Variants in ARID2 observed in about 807,000 individuals in gnomAD.
The protein encoded by ARID2 is AT-rich interaction domain 2.
In ARID2, 32 loss-of-function variants were observed where a neutral mutation model predicts 184.6. The observed-to-expected ratio is 0.17, with a 90% confidence interval of 0.13 to 0.23. ARID2 has a LOEUF of 0.23. Ranked by LOEUF, ARID2 falls within the 10% of genes least tolerant of loss-of-function variation. The pLI, the probability that ARID2 is intolerant of heterozygous loss-of-function variation, is 1.00. For synonymous variants in ARID2, 836 were observed against 772.6 expected (o/e 1.08, Z -1.36); for missense variants, 1,696 against 2,197.6 (o/e 0.77, Z 4.56).
chr12:45,830,881 G>T (rs544693656), intron 6 of ARID2, among the ~76,000 whole-genome samples: 4 of 151,914 alleles, frequency 2.6e-5, no homozygotes, highest in African/African-American at 9.6e-5. Context: ...CATGGCAAAA[G>T]CCCATCTCTA....
intron 3 of ARID2, among the ~76,000 whole-genome samples, chr12:45,735,111 A>T (rs1489327038): frequency 1.4e-5 from 2 of 147,362 alleles, no homozygotes; most frequent in African/African-American, 5.0e-5. Flanking sequence ...AATTTATTCT[A>T]TTTTTTTTTT....
At chr12:45,863,188 A>C (rs1943777174) in intron 16 of ARID2, among the ~76,000 whole-genome samples, 1 of 152,230 alleles carries the variant, frequency 6.6e-6, no homozygotes, top group Non-Finnish European at 1.5e-5. Context: ...AAGAATGAGT[A>C]GGAATTTTTC....
rs1038652707 is a variant in ARID2, at chr12:45,848,894, T to G, written c.1639T>G (p.Ser547Ala). Residue 547 changes from serine to alanine, a missense_variant, in exon 13 of 21, where the codon TCT becomes GCT. By Grantham distance (99) the Ser-to-Ala change is moderately conservative. Transcript: ENST00000334344. ...TTCTGTTTCTCGAGCAGAAATGTAT[T>G]CTGAATACCTCTCGACTTGCAGTAA... ...DCSVSRAEMY[S>A]EYLSTCSKLA... 6.2e-7 allele frequency: 1 copy of G among 1,612,472 alleles called. No homozygotes were observed. Among genetic ancestry groups the G allele is most frequent in the Admixed American group, 1.7e-5 (1 of 59,930 alleles).
chr12:45,804,987 CTGTT>C (rs1452555210), intron 3 of ARID2, among the ~76,000 whole-genome samples: 1 of 151,870 alleles, frequency 6.6e-6, no homozygotes, highest in Non-Finnish European at 1.5e-5. Flanking sequence ...TTGTTGATGG[CTGTT>C]TGTATGGGTC....
At chr12:45,776,425 A>C (rs1028753858) in intron 3 of ARID2, 1 of 152,252 alleles carries the variant, frequency 6.6e-6, no homozygotes, top group Non-Finnish European at 1.5e-5. Context: ...GCTGAACTCA[A>C]ATAGCTCACA....
intron 3 of ARID2, among the ~76,000 whole-genome samples, chr12:45,804,489 CGT>C (rs141399769): frequency 6.4e-4 from 94 of 146,358 alleles, no homozygotes; most frequent in East Asian, 1.2e-3. Flanking sequence ...CGTGTGTGTG[CGT>C]GTGTGTGTGT....
rs75106050 is a variant in ARID2, at chr12:45,766,019, T to C, written c.284+34705T>C. On this transcript the variant is annotated intron_variant, in intron 3 of 20. Coordinates refer to ENST00000334344, the MANE Select transcript of ARID2 (RefSeq NM_152641.4). The stretch of plus-strand genomic sequence containing the variant: ...AGTTCATTTTTATTTTATTGCTGAG[T>C]AGTATTCTATTGTATTGATACACCA... Among the ~76,000 whole-genome samples, 114 of 152,318 alleles carry C rather than the reference T, an allele frequency of 7.5e-4. 1 individual carries two copies. Among genetic ancestry groups the C allele is most frequent in the African/African-American group, 2.6e-3 (108 of 41,582 alleles).
Position 45,848,879 on chromosome 12 carries a change from C to T in ARID2, c.1624C>T (p.Arg542Ter), listed in dbSNP as rs2138154178. 1 of 1,612,036 alleles carries T rather than the reference C, an allele frequency of 6.2e-7. No individual in the cohort carries two copies. Among genetic ancestry groups the T allele is most frequent in the Non-Finnish European group, 8.5e-7 (1 of 1,178,852 alleles). The change falls in exon 13 of 21, where the codon CGA becomes TGA. Residue 542 changes from arginine (R) to a stop codon, truncating the protein, a stop_gained. Transcript: ENST00000334344. LOFTEE classifies it high-confidence loss of function. ...AGTAAATCCAGATTGTTCTGTTTCT[C>T]GAGCAGAAATGTATTCTGAATACCT... is the stretch of plus-strand genomic sequence containing the variant. ...FEVNPDCSVS[R>*]AEMYSEYLST...
intron 3 of ARID2, among the ~76,000 whole-genome samples, chr12:45,744,278 T>C (rs1208835110): frequency 6.6e-6 from 1 of 152,202 alleles, no homozygotes; most frequent in Non-Finnish European, 1.5e-5. Context: ...TTAGTAATCC[T>C]GTGATATATG....
chr12:45,892,005 A>C lies in ARID2; in HGVS notation c.5062-6A>C, dbSNP rs766425452. The C allele has an allele frequency of 6.8e-6, 11 of 1,613,908 alleles. No individual in the cohort carries two copies. Among genetic ancestry groups the C allele is most frequent in the Non-Finnish European group, 9.3e-6 (11 of 1,179,980 alleles). On this transcript the variant is annotated splice_polypyrimidine_tract_variant and splice_region_variant and intron_variant, in intron 17 of 20. Transcript: ENST00000334344. The stretch of plus-strand genomic sequence containing the variant: ...GCCATTCTCTTGCTTCCTCTTCCTC[A>C]AAAAGGATAAGCACTGTTCAAAGGA...
intron 16 of ARID2, among the ~76,000 whole-genome samples, chr12:45,878,015 T>A (rs1442380586): frequency 6.6e-6 from 1 of 152,194 alleles, no homozygotes; most frequent in Non-Finnish European, 1.5e-5. Flanking sequence ...GGTTAGTGGA[T>A]GTTTATCTTT....
At chr12:45,802,481 C>A (rs1942523946) in intron 3 of ARID2, among the ~76,000 whole-genome samples, 1 of 152,056 alleles carries the variant, frequency 6.6e-6, no homozygotes, top group Non-Finnish European at 1.5e-5. Flanking sequence ...GCGTGAATTT[C>A]TTTTAAAAGT....
chr12:45,779,162 T>C (rs1167567245), intron 3 of ARID2, among the ~76,000 whole-genome samples: 3 of 152,094 alleles, frequency 2.0e-5, no homozygotes, highest in African/African-American at 7.2e-5. Flanking sequence ...TTTATAAATC[T>C]GTAAATCTTT....
At chr12:45,733,235 T>C (rs1592042062) in intron 3 of ARID2, among the ~76,000 whole-genome samples, 1 of 152,322 alleles carries the variant, frequency 6.6e-6, no homozygotes, top group East Asian at 1.9e-4. Flanking sequence ...AAAAGAAATA[T>C]GCTGGTCAAA....
intron 16 of ARID2, among the ~76,000 whole-genome samples, chr12:45,873,081 A>G (rs1334534751): frequency 3.3e-5 from 5 of 152,328 alleles, no homozygotes; most frequent in East Asian, 1.9e-4. Context: ...AAGGATTGCT[A>G]TATCTTCTTG....
At position 45,738,779 on chromosome 12, in the gene ARID2, CTTTTTTTTTTTTT is replaced by C. The variant is rs11333868; in HGVS notation, c.284+7487_284+7499del. On this transcript the variant is annotated intron_variant, in intron 3 of 20. Transcript: ENST00000334344. The stretch of plus-strand genomic sequence containing the variant: ...TTTTCTTCCTGGGGCATATGGGCTA[CTTTTTTTTTTTTT>C]TTTTTTTTTTTTTTTTTTTTTAAGG... Among the ~76,000 whole-genome samples the C allele has an allele frequency of 2.8e-3, 173 of 62,308 alleles. 1 individual carries two copies. Among genetic ancestry groups the C allele is most frequent in the African/African-American group, 0.011 (133 of 11,716 alleles). 40.9% of individuals were successfully genotyped at this position (62,308 alleles called of 152,430 possible).
At chr12:45,902,786 G>A (rs1414931338) in intron 20 of ARID2, among the ~76,000 whole-genome samples, 2 of 151,708 alleles carry the variant, frequency 1.3e-5, no homozygotes, top group African/African-American at 2.4e-5. Context: ...CTCGTGATCC[G>A]CCTGCCTCAG....
At chr12:45,762,023 C>G (rs1941692286) in intron 3 of ARID2, among the ~76,000 whole-genome samples, 1 of 152,022 alleles carries the variant, frequency 6.6e-6, no homozygotes, top group African/African-American at 2.4e-5. Context: ...ATTTTTACAG[C>G]CAATATTTTC....
At chr12:45,853,616 T>C (rs755330678) in intron 15 of ARID2, among the ~76,000 whole-genome samples, 23 of 152,342 alleles carry the variant, frequency 1.5e-4, no homozygotes, top group Non-Finnish European at 2.8e-4. Context: ...GACAATCTTA[T>C]ATGCTCTTTC....
Sources: gnomAD v4.1 joint callset for allele counts (sites outside exome capture counted in the v4.1 genomes callset) on GRCh38, gnomAD v4.1.1 for gene constraint, MANE v1.5 for transcripts, NCBI Gene and HGNC (gene_info 2026-07-23, HGNC 2026-07-21) for gene names.